Variants in WASF3 observed in about 807,000 individuals in gnomAD.
WASF3 encodes the protein actin-binding protein WASF3.
Under a neutral mutation model 46.6 loss-of-function variants are expected in WASF3, and 11 were observed. The observed-to-expected ratio is 0.24, with a 90% CI of 0.15 to 0.39. WASF3 has a LOEUF of 0.39. WASF3 is among the 10% of genes least tolerant of loss of function. The pLI is 1.00. For synonymous variants in WASF3, 242 were observed against 259.7 expected, an observed-to-expected ratio of 0.93 and a Z score of 0.65; for missense variants, 576 against 669.8, an observed-to-expected ratio of 0.86 and a Z score of 1.55.
At chr13:26,635,637 T>C (rs1467600334) in intron 2 of WASF3, among the ~76,000 whole-genome samples, 2 of 152,246 alleles carry the variant, frequency 1.3e-5, no homozygotes, top group Non-Finnish European at 2.9e-5. Context: ...TATCTACCTT[T>C]GGTCTTTGAT....
chr13:26,565,105 G>A (rs1436332119), intron 1 of WASF3, among the ~76,000 whole-genome samples: 2 of 151,146 alleles, frequency 1.3e-5, no homozygotes, highest in African/African-American at 2.4e-5. Context: ...GCTTGAAACC[G>A]GGAGGTGGTG....
At chr13:26,571,218 T>G (rs915894432) in intron 1 of WASF3, among the ~76,000 whole-genome samples, 1 of 152,228 alleles carries the variant, frequency 6.6e-6, no homozygotes, top group Non-Finnish European at 1.5e-5. Flanking sequence ...TCTCCTAGTT[T>G]TGACTTTTCT....
chr13:26,568,838 A>G (rs1226378631), intron 1 of WASF3, among the ~76,000 whole-genome samples: 1 of 152,142 alleles, frequency 6.6e-6, no homozygotes, highest in African/African-American at 2.4e-5. Flanking sequence ...AATGTATTGT[A>G]GAGTATTGCT....
At chr13:26,545,555 T>C in the WASF3 span, among the ~76,000 whole-genome samples, 5 of 152,176 alleles carry the variant, frequency 3.3e-5, no homozygotes, top group African/African-American at 1.2e-4. Flanking sequence ...TTAAAAAAAA[T>C]CTATTTTAGT....
At chr13:26,610,939 T>C (rs573235120) in intron 1 of WASF3, among the ~76,000 whole-genome samples, 27 of 152,120 alleles carry the variant, frequency 1.8e-4, no homozygotes, top group Non-Finnish European at 2.6e-4. Flanking sequence ...TCTTGACTTA[T>C]GTTAGAAATG....
At chr13:26,587,727 C>T (rs989998981) in intron 1 of WASF3, among the ~76,000 whole-genome samples, 3 of 152,090 alleles carry the variant, frequency 2.0e-5, no homozygotes, top group African/African-American at 7.2e-5. Flanking sequence ...TAAAGTCAAA[C>T]TTGACATTTT....
At chr13:26,597,529 C>G (rs547803813) in intron 1 of WASF3, among the ~76,000 whole-genome samples, 3 of 152,058 alleles carry the variant, frequency 2.0e-5, no homozygotes, top group Non-Finnish European at 4.4e-5. Context: ...ATGTGCACAA[C>G]GTGCAGGTTT....
chr13:26,639,074 CT>C (rs1881916863), intron 2 of WASF3, among the ~76,000 whole-genome samples: 2 of 152,176 alleles, frequency 1.3e-5, no homozygotes, highest in African/African-American at 4.8e-5. Flanking sequence ...TAAACCTCTT[CT>C]CTTTATAAAC....
intron 6 of WASF3, among the ~76,000 whole-genome samples, chr13:26,674,503 C>G (rs1038810292): frequency 4.6e-5 from 7 of 152,174 alleles, no homozygotes; most frequent in Admixed American, 4.6e-4. Context: ...CCACGGTTAA[C>G]AGCTTGGTGT....
At chr13:26,608,372 A>G (rs1880867957) in intron 1 of WASF3, among the ~76,000 whole-genome samples, 1 of 152,196 alleles carries the variant, frequency 6.6e-6, no homozygotes, top group Non-Finnish European at 1.5e-5. Flanking sequence ...CTCTCTTAGT[A>G]TAATTAATAC....
At chr13:26,567,304 C>T (rs1879494723) in intron 1 of WASF3, among the ~76,000 whole-genome samples, 1 of 152,018 alleles carries the variant, frequency 6.6e-6, no homozygotes, top group Non-Finnish European at 1.5e-5. Context: ...GCTTGGAGTG[C>T]CAGTATTTTG....
chr13:26,626,246 TAGG>T (rs756045026), intron 2 of WASF3: 1 of 152,302 alleles, frequency 6.6e-6, no homozygotes, highest in Non-Finnish European at 1.5e-5. Context: ...CGTCAGGGGT[TAGG>T]AGAATTCTGG....
chr13:26,602,339 A>G (rs775448575), intron 1 of WASF3, among the ~76,000 whole-genome samples: 29 of 152,226 alleles, frequency 1.9e-4, no homozygotes, highest in African/African-American at 2.7e-4. Context: ...TTTGGCAATA[A>G]TGAGTTACTT....
rs753284994 is a variant in WASF3 at position 26,682,947 on chromosome 13, A to G, written c.1324A>G (p.Ser442Gly). The change falls in exon 9 of 10, where the codon AGC (serine) becomes GGC (glycine). Residue 442 changes from serine (S) to glycine (G), a missense_variant. Ser to Gly is a moderately conservative substitution (Grantham distance 56, BLOSUM62 0). Transcript: ENST00000335327. The surrounding 1 kb of genome is among the most constrained non-coding windows in gnomAD (Gnocchi z 4.4). The part of the protein sequence containing the change: ...PAQPPISDAR[S>G]DLLAAIRMGI... Reference sequence around the variant, plus strand: ...ACAGCCACCAATCAGTGATGCTCGAAGCGACCTCCTCGCTGCTATTCGAAT... The same window carrying G: ...ACAGCCACCAATCAGTGATGCTCGAGGCGACCTCCTCGCTGCTATTCGAAT... 1.2e-6 allele frequency: 2 copies of G among 1,607,374 alleles called. No individual in the cohort carries two copies. The highest frequency in any genetic ancestry group is 1.7e-6 in the Non-Finnish European group (2 of 1,179,962).
intron 2 of WASF3, among the ~76,000 whole-genome samples, chr13:26,640,069 G>A (rs977828441): frequency 2.0e-5 from 3 of 152,042 alleles, no homozygotes; most frequent in African/African-American, 7.2e-5. Flanking sequence ...CTCTGGATTG[G>A]TTGGTTTGCA....
At chr13:26,645,655 C>T (rs925417233) in intron 3 of WASF3, among the ~76,000 whole-genome samples, 6 of 151,854 alleles carry the variant, frequency 4.0e-5, no homozygotes, top group South Asian at 4.2e-4. Context: ...CTTTTACACA[C>T]GTTGTCTGGC....
intron 1 of WASF3, chr13:26,577,178 C>T: frequency 1.3e-6 from 1 of 754,870 alleles, no homozygotes; most frequent in South Asian, 1.4e-5. Flanking sequence ...AACTTCCTAA[C>T]TTCCTTGGCA....
At chr13:26,672,630 C>T (rs1285776972) in intron 6 of WASF3, among the ~76,000 whole-genome samples, 1 of 152,136 alleles carries the variant, frequency 6.6e-6, no homozygotes, top group Non-Finnish European at 1.5e-5. Context: ...ACTTAGGCCA[C>T]TGAGAGGAAT....
chr13:26,545,730 G>T, the WASF3 span, among the ~76,000 whole-genome samples: 1 of 152,110 alleles, frequency 6.6e-6, no homozygotes, highest in Non-Finnish European at 1.5e-5. Flanking sequence ...TCAGCCTCCT[G>T]AGTAACTGGG....
Sources: gnomAD v4.1 joint callset for allele counts (sites outside exome capture counted in the v4.1 genomes callset) on GRCh38, gnomAD v4.1.1 for gene constraint, Gnocchi (gnomAD v3.1) non-coding constraint, MANE v1.5 for transcripts, NCBI Gene and HGNC (gene_info 2026-07-23, HGNC 2026-07-21) for gene names.